The following THRAP3 variants were observed in gnomAD, a reference collection of about 807,000 sequenced individuals.
The protein encoded by THRAP3 is thyroid hormone receptor-associated protein 3.
In THRAP3, 16 loss-of-function variants were observed where a neutral mutation model predicts 101.0. That is an observed-to-expected ratio of 0.16 (90% CI 0.11 to 0.24). The LOEUF is 0.24. Ranked by LOEUF, THRAP3 falls within the 10% of genes least tolerant of loss-of-function variation. THRAP3 has a pLI of 1.00. For synonymous variants in THRAP3, 407 were observed against 422.6 expected (o/e 0.96, Z 0.45); for missense variants, 989 against 1,202.7 (o/e 0.82, Z 2.63).
At chr1:36,241,385 G>GTATATATATATATA (rs1166260923) in intron 1 of THRAP3, among the ~76,000 whole-genome samples, 5 of 8,644 alleles carry the variant, frequency 5.8e-4, no homozygotes, top group African/African-American at 7.6e-4. Flanking sequence ...GATAATGGGT[G>GTATATATATATATA]TATATATATA....
intron 2 of THRAP3, among the ~76,000 whole-genome samples, chr1:36,280,927 A>T (rs950108745): frequency 5.4e-4 from 78 of 145,392 alleles, no homozygotes; most frequent in Non-Finnish European, 9.5e-4. Flanking sequence ...CTTTATTTTT[A>T]TTTATTTTTT....
intron 2 of THRAP3, among the ~76,000 whole-genome samples, chr1:36,267,634 T>C (rs929082281): frequency 1.3e-5 from 2 of 151,684 alleles, no homozygotes; most frequent in African/African-American, 4.8e-5. Flanking sequence ...AGAAAGCAAT[T>C]AGTAATAGTC....
rs144196127 is a variant in THRAP3, at chr1:36,269,276, CT to C, written c.-32+9800del. ...CAAACAAACAGTTGAAGCGAGCTCA[CT>C]TTTTTTTACAGTGGATTTCGGACAC... On this transcript the variant is annotated intron_variant, in intron 2 of 11. Transcript: ENST00000354618. Among the ~76,000 whole-genome samples, 24 of 152,030 alleles carry C rather than the reference CT, an allele frequency of 1.6e-4. No individual in the cohort carries two copies. In the East Asian group the frequency reaches 4.2e-3, roughly 27 times the overall value.
intron 1 of THRAP3, among the ~76,000 whole-genome samples, chr1:36,250,236 CAA>C (rs943698792): frequency 5.0e-5 from 7 of 139,808 alleles, no homozygotes; most frequent in African/African-American, 1.9e-4. Context: ...TTTTTTGAGA[CAA>C]AGATTTGCTC....
Position 36,288,413 on chromosome 1 carries a change from TC to T in THRAP3, c.1041-645del, listed in dbSNP as rs1023077010. On this transcript the variant is annotated intron_variant, in intron 4 of 11. Coordinates refer to ENST00000354618, the MANE Select transcript of THRAP3 (RefSeq NM_005119.4). ...GTCTATTTTAAAACATAAGTTTTGTTCCATGCCAGGACTGTGAATCTCTTTA... is the reference window on the plus strand; with the variant it reads ...GTCTATTTTAAAACATAAGTTTTGTTCATGCCAGGACTGTGAATCTCTTTA... 1.3e-5 allele frequency: 13 copies of T among 985,302 alleles called. No individual in the cohort carries two copies. In the African/African-American group the frequency reaches 2.1e-4, roughly 16 times the overall value. The allele number at this position is 985,302 out of a possible 1,614,324, so 61.0% of individuals were successfully genotyped here. A position where few individuals can be genotyped will look rare whatever the true frequency, so the allele number is the denominator to read the frequency against.
chr1:36,232,090 C>G (rs1453206832), intron 1 of THRAP3, among the ~76,000 whole-genome samples: 1 of 152,064 alleles, frequency 6.6e-6, no homozygotes, highest in Non-Finnish European at 1.5e-5. Context: ...GTGGTGTGCG[C>G]CTGTAATCTC....
At chr1:36,258,704 C>G (rs1187357858) in intron 1 of THRAP3, among the ~76,000 whole-genome samples, 1 of 152,180 alleles carries the variant, frequency 6.6e-6, no homozygotes, top group Non-Finnish European at 1.5e-5. Flanking sequence ...TGATCTCGAT[C>G]TCCTGACCTC....
Position 36,241,947 on chromosome 1 carries a change from A to G in THRAP3, c.-134-17435A>G, listed in dbSNP as rs148407971. The G allele has an allele frequency of 4.3e-3, 708 of 164,582 alleles. 3 individuals carry two copies. The highest frequency in any genetic ancestry group is 9.6e-3 in the Middle Eastern group (3 of 312). 10.2% of individuals were successfully genotyped at this position (164,582 alleles called of 1,614,324 possible). On this transcript the variant is annotated intron_variant, in intron 1 of 11. Transcript: ENST00000354618. ...TGTGGAAGCTACTTATTTTCTTTGG[A>G]TGTCATTAGATGTCTTAGCTCTTGA...
chr1:36,279,690 A>G (rs536800241), intron 2 of THRAP3, among the ~76,000 whole-genome samples: 8 of 152,216 alleles, frequency 5.3e-5, no homozygotes, highest in African/African-American at 1.9e-4. Flanking sequence ...ACTTCTTATT[A>G]GTTTCTCAGT....
In THRAP3 at chr1:36,231,153, C is replaced by T. The variant is rs1471547635; in HGVS notation, c.-135+6648C>T. ...TTTGCTGTCTTACATTATCATTGAC[C>T]TTTTTTTTCTGTCTTGGTACCTTAT... On this transcript the variant is annotated intron_variant, in intron 1 of 11. Coordinates refer to ENST00000354618, the MANE Select transcript of THRAP3 (RefSeq NM_005119.4). 3.3e-5 allele frequency among the ~76,000 whole-genome samples: 5 copies of T among 151,878 alleles called. No homozygotes were observed. In the South Asian group the frequency reaches 8.3e-4, roughly 25 times the overall value.
chr1:36,228,614 T>C (rs558727467), intron 1 of THRAP3, among the ~76,000 whole-genome samples: 94 of 152,266 alleles, frequency 6.2e-4, no homozygotes, highest in Non-Finnish European at 1.1e-3. Flanking sequence ...CTCGGCCTTC[T>C]AAAGTGCTGG....
the THRAP3 span, among the ~76,000 whole-genome samples, chr1:36,214,558 C>T: frequency 6.6e-6 from 1 of 152,098 alleles, no homozygotes; most frequent in African/African-American, 2.4e-5. Context: ...CATAGTAATC[C>T]TTTAAAAAAG....
At chr1:36,239,456 G>A (rs1169715376) in intron 1 of THRAP3, among the ~76,000 whole-genome samples, 5 of 152,056 alleles carry the variant, frequency 3.3e-5, no homozygotes, top group South Asian at 2.1e-4. Flanking sequence ...TAGTAGAGAC[G>A]AGGTTTCACC....
the THRAP3 span, among the ~76,000 whole-genome samples, chr1:36,215,785 T>C: frequency 6.6e-6 from 1 of 152,024 alleles, no homozygotes; most frequent in African/African-American, 2.4e-5. Flanking sequence ...GTTTTGCTCT[T>C]GTTGACCAGG....
intron 5 of THRAP3, among the ~76,000 whole-genome samples, chr1:36,290,197 CTCT>C (rs1158858965): frequency 2.6e-5 from 4 of 151,904 alleles, no homozygotes; most frequent in Non-Finnish European, 4.4e-5. Context: ...CTCTCTCTCT[CTCT>C]TCTTTTTTTT....
chr1:36,221,370 A>G (rs1486288421), upstream of THRAP3, among the ~76,000 whole-genome samples: 2 of 152,022 alleles, frequency 1.3e-5, no homozygotes, highest in Non-Finnish European at 2.9e-5. Context: ...CTTTCATGAA[A>G]GAAATAGTCA....
At chr1:36,292,983 C>G (rs1005632710) in intron 7 of THRAP3, among the ~76,000 whole-genome samples, 1 of 147,622 alleles carries the variant, frequency 6.8e-6, no homozygotes, top group Non-Finnish European at 1.5e-5. Context: ...CCTGAAATTA[C>G]TGTGAGTTTC....
intron 1 of THRAP3, among the ~76,000 whole-genome samples, chr1:36,227,325 C>G (rs1644973463): frequency 6.6e-6 from 1 of 151,758 alleles, no homozygotes; most frequent in Admixed American, 6.6e-5. Context: ...CTCTTGTTGC[C>G]CAGGCTGGAG....
At chr1:36,217,556 GT>G in the THRAP3 span, among the ~76,000 whole-genome samples, 1 of 151,898 alleles carries the variant, frequency 6.6e-6, no homozygotes, top group Admixed American at 6.6e-5. Context: ...TAAACTGCGA[GT>G]TTGTGGCAAC....
Sources: gnomAD v4.1 joint callset for allele counts (sites outside exome capture counted in the v4.1 genomes callset) on GRCh38, gnomAD v4.1.1 for gene constraint, MANE v1.5 for transcripts, NCBI Gene and HGNC (gene_info 2026-07-23, HGNC 2026-07-21) for gene names.